Variants in GRIK2 observed in about 807,000 individuals in gnomAD.
GRIK2 encodes glutamate receptor ionotropic, kainate 2.
A neutral mutation model predicts 100.3 loss-of-function variants in GRIK2; 32 were observed. That is an observed-to-expected ratio of 0.32 (90% confidence interval 0.24 to 0.43). The LOEUF (loss-of-function observed/expected upper bound fraction) is 0.43. GRIK2 is among the 20% of genes least tolerant of loss of function. GRIK2 has a pLI of 1.00. For missense variants in GRIK2, 843 were observed against 1,114.9 expected (o/e 0.76, Z 3.47); for synonymous variants, 417 against 389.4 (o/e 1.07, Z -0.83).
chr6:101,718,484 T>C (rs1325062893), intron 7 of GRIK2, among the ~76,000 whole-genome samples: 1 of 151,928 alleles, frequency 6.6e-6, no homozygotes. Flanking sequence ...CCAAGAGTAA[T>C]TGAAGAAGTA....
chr6:101,607,276 G>A (rs868321822), intron 2 of GRIK2, among the ~76,000 whole-genome samples: 2 of 151,970 alleles, frequency 1.3e-5, no homozygotes, highest in African/African-American at 4.8e-5. Flanking sequence ...CATTTTGACA[G>A]GATTGGACGA....
In GRIK2 at chr6:101,957,745, T is replaced by C. The variant is rs556624024; in HGVS notation, c.2085+29113T>C. Among the ~76,000 whole-genome samples, 5 of 152,210 alleles carry C rather than the reference T, an allele frequency of 3.3e-5. No individual in the cohort carries two copies. In the South Asian group the frequency reaches 1.0e-3, roughly 32 times the overall value. On this transcript the variant is annotated intron_variant, in intron 14 of 16. Coordinates refer to ENST00000369134, the MANE Select transcript of GRIK2 (RefSeq NM_021956.5). Reference sequence around the variant, plus strand: ...GGATCTAGTTTCATTCCTCTATGTATGGCAATCCAGTTTTCCCAGCACCAT... The same window carrying C: ...GGATCTAGTTTCATTCCTCTATGTACGGCAATCCAGTTTTCCCAGCACCAT...
chr6:101,456,809 T>G (rs542081475), intron 2 of GRIK2, among the ~76,000 whole-genome samples: 1 of 152,202 alleles, frequency 6.6e-6, no homozygotes, highest in South Asian at 2.1e-4. Context: ...TATCTAAATA[T>G]TAAGAGTTTT....
chr6:101,590,912 C>T (rs949809623), intron 2 of GRIK2, among the ~76,000 whole-genome samples: 36 of 151,968 alleles, frequency 2.4e-4, no homozygotes, highest in African/African-American at 8.5e-4. Context: ...GTTTGTGTCT[C>T]TTCCCTGGAC....
At chr6:101,782,028 T>C (rs1455379162) in intron 7 of GRIK2, among the ~76,000 whole-genome samples, 1 of 152,178 alleles carries the variant, frequency 6.6e-6, no homozygotes, top group Non-Finnish European at 1.5e-5. Flanking sequence ...TTTTATTTTA[T>C]TGATTCTTAA....
chr6:101,701,231 C>A (rs1347197245), intron 7 of GRIK2, among the ~76,000 whole-genome samples: 1 of 152,048 alleles, frequency 6.6e-6, no homozygotes, highest in Non-Finnish European at 1.5e-5. Flanking sequence ...ACCTATTTGG[C>A]CACCTAGACT....
intron 7 of GRIK2, among the ~76,000 whole-genome samples, chr6:101,734,084 A>T (rs1481279393): frequency 1.3e-5 from 2 of 152,134 alleles, no homozygotes; most frequent in Non-Finnish European, 2.9e-5. Flanking sequence ...ACTGAGTTCC[A>T]AAGCTGCTTC....
chr6:101,554,106 G>A (rs978845538), intron 2 of GRIK2, among the ~76,000 whole-genome samples: 10 of 152,302 alleles, frequency 6.6e-5, no homozygotes, highest in South Asian at 4.1e-4. Flanking sequence ...AACGTAGAGA[G>A]TGAAACCATA....
In GRIK2 at chr6:101,466,488, A is replaced by G. The variant is rs1045006797; in HGVS notation, c.115+67096A>G. On this transcript the variant is annotated intron_variant, in intron 2 of 16. Coordinates refer to ENST00000369134, the MANE Select transcript of GRIK2 (RefSeq NM_021956.5). ...TATATTTACTTCACAATTAGTAGTC[A>G]GTTGCTGTGTAAATAAAACTATTTT... Among the ~76,000 whole-genome samples, 4 of 152,048 alleles carry G rather than the reference A, an allele frequency of 2.6e-5. No individual in the cohort carries two copies. In the East Asian group the frequency reaches 7.7e-4, roughly 29 times the overall value.
At chr6:101,788,872 G>A (rs1312239743) in intron 7 of GRIK2, among the ~76,000 whole-genome samples, 2 of 152,062 alleles carry the variant, frequency 1.3e-5, no homozygotes, top group Non-Finnish European at 2.9e-5. Context: ...TCCAGCACCT[G>A]TTGTTTCCTG....
intron 11 of GRIK2, among the ~76,000 whole-genome samples, chr6:101,881,950 A>G (rs1309492977): frequency 6.6e-6 from 1 of 152,132 alleles, no homozygotes; most frequent in Admixed American, 6.6e-5. Flanking sequence ...AAGAAAAAGT[A>G]GTTTAATGAA....
intron 2 of GRIK2, among the ~76,000 whole-genome samples, chr6:101,562,035 T>A (rs1380498951): frequency 6.6e-6 from 1 of 152,124 alleles, no homozygotes; most frequent in Non-Finnish European, 1.5e-5. Context: ...GTGGTTATTA[T>A]CCCCACTAAC....
chr6:101,862,096 G>A (rs1784765877), intron 11 of GRIK2, among the ~76,000 whole-genome samples: 1 of 152,100 alleles, frequency 6.6e-6, no homozygotes, highest in Admixed American at 6.5e-5. Flanking sequence ...TGAAGACAAT[G>A]ATTATCTTGC....
At chr6:101,920,333 C>T (rs1789407257) in intron 12 of GRIK2, among the ~76,000 whole-genome samples, 1 of 151,934 alleles carries the variant, frequency 6.6e-6, no homozygotes, top group African/African-American at 2.4e-5. Context: ...CAGCAAGGGG[C>T]TTCTAATACT....
At chr6:101,590,435 T>C (rs556236315) in intron 2 of GRIK2, among the ~76,000 whole-genome samples, 15 of 152,072 alleles carry the variant, frequency 9.9e-5, no homozygotes, top group African/African-American at 1.7e-4. Context: ...GGGGAGACTG[T>C]GGTGCTTGGC....
rs1582595443 is a variant in GRIK2, at chr6:101,948,217, G to T, written c.2085+19585G>T. Among the ~76,000 whole-genome samples the T allele has an allele frequency of 2.0e-5, 3 of 151,846 alleles. No homozygotes were observed. The East Asian group carries it at 5.8e-4, about 29-fold the overall frequency. The stretch of plus-strand genomic sequence containing the variant: ...TTTTATATGGCAGTGGTGATAGAAT[G>T]GTTGGGTAGGAGCATGAATACTGAG... On this transcript the variant is annotated intron_variant, in intron 14 of 16. Coordinates refer to ENST00000369134, the MANE Select transcript of GRIK2 (RefSeq NM_021956.5).
At chr6:101,473,723 C>T (rs1772075426) in intron 2 of GRIK2, among the ~76,000 whole-genome samples, 1 of 151,776 alleles carries the variant, frequency 6.6e-6, no homozygotes, top group South Asian at 2.1e-4. Context: ...TTTCAACGTA[C>T]TGGGTGCCCT....
At chr6:101,823,615 G>T (rs1025643792) in intron 10 of GRIK2, among the ~76,000 whole-genome samples, 2 of 151,822 alleles carry the variant, frequency 1.3e-5, no homozygotes, top group Non-Finnish European at 2.9e-5. Flanking sequence ...TTTATTTATT[G>T]CATAGAGGTT....
intron 2 of GRIK2, among the ~76,000 whole-genome samples, chr6:101,517,243 C>T (rs1364677406): frequency 6.6e-6 from 1 of 152,096 alleles, no homozygotes; most frequent in Non-Finnish European, 1.5e-5. Flanking sequence ...AACCAGGCCA[C>T]CTCTGAACCT....
Sources: gnomAD v4.1 joint callset for allele counts (sites outside exome capture counted in the v4.1 genomes callset) on GRCh38, gnomAD v4.1.1 for gene constraint, MANE v1.5 for transcripts, NCBI Gene and HGNC (gene_info 2026-07-23, HGNC 2026-07-21) for gene names.